SDK1: variants seen among roughly 807,000 people sequenced by gnomAD.
SDK1 encodes protein sidekick-1.
In SDK1, 157 loss-of-function variants were observed where a neutral mutation model predicts 245.5. The ratio of observed to expected loss-of-function variants is 0.64; its 90% CI spans 0.56 to 0.73. The LOEUF (loss-of-function observed/expected upper bound fraction) is 0.73. SDK1 is among the 30% of genes least tolerant of loss of function. The pLI, the probability that SDK1 is intolerant of heterozygous loss-of-function variation, is 0.00. For missense variants in SDK1, 3,583 were observed against 3,002.3 expected (o/e 1.19, Z -4.52); for synonymous variants, 1,647 against 1,278.5 (o/e 1.29, Z -6.15).
At chr7:3,626,641 C>T (rs918037669) in intron 2 of SDK1, among the ~76,000 whole-genome samples, 1 of 152,196 alleles carries the variant, frequency 6.6e-6, no homozygotes, top group African/African-American at 2.4e-5. Flanking sequence ...TGACTTCTCT[C>T]CTCCTCACCT....
At chr7:3,954,599 G>A (rs1236962656) in intron 7 of SDK1, among the ~76,000 whole-genome samples, 10 of 50,810 alleles carry the variant, frequency 2.0e-4, no homozygotes, top group South Asian at 1.2e-3. Context: ...TCCGCCCTCC[G>A]TTCCCACCTC....
At chr7:3,634,672 A>G (rs542670119) in intron 2 of SDK1, among the ~76,000 whole-genome samples, 9 of 152,336 alleles carry the variant, frequency 5.9e-5, no homozygotes, top group African/African-American at 1.7e-4. Flanking sequence ...CTTACAATGA[A>G]TATTCCCATC....
intron 4 of SDK1, among the ~76,000 whole-genome samples, chr7:3,739,018 T>C (rs1357084781): frequency 6.6e-6 from 1 of 152,162 alleles, no homozygotes; most frequent in Non-Finnish European, 1.5e-5. Flanking sequence ...ATCGTTTATC[T>C]AAGAATAGAG....
intron 17 of SDK1, among the ~76,000 whole-genome samples, chr7:4,034,851 G>T (rs1011324888): frequency 6.6e-6 from 1 of 152,154 alleles, no homozygotes; most frequent in Non-Finnish European, 1.5e-5. Flanking sequence ...AACAGAAAGA[G>T]GACGAATTCG....
intron 5 of SDK1, among the ~76,000 whole-genome samples, chr7:3,854,719 A>G (rs1780498715): frequency 6.6e-6 from 1 of 152,134 alleles, no homozygotes; most frequent in African/African-American, 2.4e-5. Context: ...TATTTGAGGG[A>G]TTTTCGATCA....
intron 1 of SDK1, among the ~76,000 whole-genome samples, chr7:3,449,292 C>T (rs767734826): frequency 1.3e-5 from 2 of 151,412 alleles, no homozygotes; most frequent in South Asian, 2.1e-4. Context: ...CTGCACAGAG[C>T]GATCAGATCC....
chr7:3,770,947 A>G (rs902388289), intron 4 of SDK1, among the ~76,000 whole-genome samples: 1 of 152,144 alleles, frequency 6.6e-6, no homozygotes, highest in Non-Finnish European at 1.5e-5. Context: ...GTCCCTAGCC[A>G]GTTTTCCTGC....
chr7:3,549,323 C>T (rs1779329445), intron 1 of SDK1, among the ~76,000 whole-genome samples: 1 of 152,234 alleles, frequency 6.6e-6, no homozygotes, highest in Admixed American at 6.5e-5. Flanking sequence ...TTTTCTCCCA[C>T]ATACTTCTTG....
chr7:3,762,811 T>A (rs1039487585), intron 4 of SDK1, among the ~76,000 whole-genome samples: 3 of 152,256 alleles, frequency 2.0e-5, no homozygotes, highest in African/African-American at 7.2e-5. Context: ...TTTATGTAGT[T>A]TTTGTTTCCG....
chr7:4,069,647 G>A (rs1406232524), intron 20 of SDK1, among the ~76,000 whole-genome samples: 1 of 152,228 alleles, frequency 6.6e-6, no homozygotes, highest in Admixed American at 6.5e-5. Flanking sequence ...CTGGGACTGT[G>A]CTGCCCAGAG....
At chr7:3,420,118 A>C (rs1455730942) in intron 1 of SDK1, among the ~76,000 whole-genome samples, 2 of 152,228 alleles carry the variant, frequency 1.3e-5, no homozygotes, top group African/African-American at 4.8e-5. Context: ...CATACCCCAG[A>C]GCAAAAACAA....
At chr7:3,981,582 T>C (rs1364380037) in intron 13 of SDK1, among the ~76,000 whole-genome samples, 3 of 152,214 alleles carry the variant, frequency 2.0e-5, no homozygotes, top group African/African-American at 7.2e-5. Context: ...GAAGGACATT[T>C]AAAGTGCTCC....
At chr7:4,253,118 CT>C (rs1787419434) in intron 44 of SDK1, among the ~76,000 whole-genome samples, 2 of 151,980 alleles carry the variant, frequency 1.3e-5, no homozygotes, top group African/African-American at 4.8e-5. Context: ...TATTTTTCTA[CT>C]TTCTATTTCA....
chr7:3,652,498 A>G (rs528155082), intron 4 of SDK1, among the ~76,000 whole-genome samples: 1 of 152,210 alleles, frequency 6.6e-6, no homozygotes, highest in Admixed American at 6.5e-5. Flanking sequence ...GCACGGATGC[A>G]TGTGGTTTGG....
At chr7:3,655,497 ATATATATG>A (rs1484588571) in intron 4 of SDK1, among the ~76,000 whole-genome samples, 43 of 64,118 alleles carry the variant, frequency 6.7e-4, no homozygotes, top group Non-Finnish European at 1.2e-3. Context: ...ATATATATAT[ATATATATG>A]TATGTATGTA....
intron 1 of SDK1, among the ~76,000 whole-genome samples, chr7:3,380,028 C>G (rs1309256297): frequency 6.6e-6 from 1 of 152,090 alleles, no homozygotes; most frequent in African/African-American, 2.4e-5. Flanking sequence ...AGCAATATAC[C>G]AATACCAAAA....
At chr7:4,207,964 C>G (rs537779576) in intron 36 of SDK1, 135 bp from the exon 37 acceptor site, 14 of 674,444 alleles carry the variant, frequency 2.1e-5, no homozygotes, top group African/African-American at 2.0e-4. Flanking sequence ...CAGGAGGGAG[C>G]CTTTCCACCT....
At chr7:3,550,653 A>G (rs1342315347) in intron 1 of SDK1, among the ~76,000 whole-genome samples, 7 of 152,214 alleles carry the variant, frequency 4.6e-5, no homozygotes, top group Non-Finnish European at 7.3e-5. Context: ...GATTATATCC[A>G]TTTGACAGAT....
chr7:3,658,134 G>A (rs1783245970), intron 4 of SDK1, among the ~76,000 whole-genome samples: 2 of 152,168 alleles, frequency 1.3e-5, no homozygotes, highest in Non-Finnish European at 2.9e-5. Flanking sequence ...CGCCTCACAG[G>A]ACTTTTACTT....
Sources: allele counts gnomAD v4.1 joint callset (sites outside exome capture counted in the v4.1 genomes callset), GRCh38; gene constraint gnomAD v4.1.1; transcripts MANE v1.5; gene names NCBI Gene and HGNC (gene_info 2026-07-23, HGNC 2026-07-21).